RAP1GDS1: variants seen among roughly 807,000 people sequenced by gnomAD.
RAP1GDS1 encodes Rap1 GTPase-GDP dissociation stimulator 1.
Under a neutral mutation model 71.1 loss-of-function variants are expected in RAP1GDS1, and 35 were observed. That is an observed-to-expected ratio of 0.49 (90% CI 0.38 to 0.65). The LOEUF is 0.65. Among genes scored for constraint, RAP1GDS1 ranks in the 30% least tolerant of loss-of-function variants. The pLI is 0.00. For missense variants in RAP1GDS1, 663 were observed against 706.1 expected (o/e 0.94, Z 0.69); for synonymous variants, 229 against 243.1 (o/e 0.94, Z 0.54).
At chr4:98,350,780 G>C (rs1737066470) in intron 3 of RAP1GDS1, among the ~76,000 whole-genome samples, 1 of 152,180 alleles carries the variant, frequency 6.6e-6, no homozygotes, top group Non-Finnish European at 1.5e-5. Flanking sequence ...AGAGGTTGCA[G>C]TGAGCCGAGA....
intron 2 of RAP1GDS1, among the ~76,000 whole-genome samples, chr4:98,321,823 A>C (rs1360731644): frequency 7.6e-6 from 1 of 131,784 alleles, no homozygotes; most frequent in Non-Finnish European, 1.6e-5. Flanking sequence ...TCATGCCAAA[A>C]TGTAAAGACC....
At chr4:98,367,436 G>A (rs761349655) in intron 4 of RAP1GDS1, among the ~76,000 whole-genome samples, 14 of 152,172 alleles carry the variant, frequency 9.2e-5, no homozygotes, top group African/African-American at 1.2e-4. Context: ...TTGGACCCCC[G>A]CACAGAGTCC....
At chr4:98,362,592 AG>A (rs901548608) in intron 4 of RAP1GDS1, among the ~76,000 whole-genome samples, 1 of 151,562 alleles carries the variant, frequency 6.6e-6, no homozygotes, top group African/African-American at 2.4e-5. Flanking sequence ...GGAAAAAAAA[AG>A]CCTTCATAAT....
intron 5 of RAP1GDS1, among the ~76,000 whole-genome samples, chr4:98,385,621 C>T (rs1352366054): frequency 6.6e-6 from 1 of 151,780 alleles, no homozygotes; most frequent in Non-Finnish European, 1.5e-5. Flanking sequence ...CCAGTTAATA[C>T]TGTACTGCCT....
At chr4:98,271,604 T>C (rs1723468956) in intron 1 of RAP1GDS1, among the ~76,000 whole-genome samples, 1 of 152,134 alleles carries the variant, frequency 6.6e-6, no homozygotes, top group African/African-American at 2.4e-5. Flanking sequence ...TTAATTCTTC[T>C]GTTTTAGTAT....
chr4:98,318,862 G>T (rs1311317306), intron 2 of RAP1GDS1, among the ~76,000 whole-genome samples: 1 of 152,112 alleles, frequency 6.6e-6, no homozygotes, highest in Non-Finnish European at 1.5e-5. Context: ...CTTACAAATT[G>T]TTTATTTCCA....
intron 4 of RAP1GDS1, among the ~76,000 whole-genome samples, chr4:98,357,311 C>A (rs1738106029): frequency 6.6e-6 from 1 of 151,830 alleles, no homozygotes; most frequent in South Asian, 2.1e-4. Context: ...ATAGAATTAT[C>A]AGTCAGTAAG....
chr4:98,288,381 A>T (rs1047147131), intron 1 of RAP1GDS1, among the ~76,000 whole-genome samples: 1 of 152,158 alleles, frequency 6.6e-6, no homozygotes, highest in Admixed American at 6.6e-5. Context: ...TTATGGCTGC[A>T]TAGTATTCCA....
At chr4:98,316,683 T>G (rs1262490014) in intron 2 of RAP1GDS1, among the ~76,000 whole-genome samples, 1 of 152,098 alleles carries the variant, frequency 6.6e-6, no homozygotes, top group Non-Finnish European at 1.5e-5. Context: ...GAAGACAAAA[T>G]GTCTCAGATA....
chr4:98,391,951 G>C lies in RAP1GDS1; in HGVS notation c.509-1G>C. The C allele has an allele frequency of 6.3e-7, 1 of 1,575,150 alleles. No individual in the cohort carries two copies. Among genetic ancestry groups the C allele is most frequent in the Non-Finnish European group, 8.6e-7 (1 of 1,164,638 alleles). On this transcript the variant is annotated splice_acceptor_variant, in intron 5 of 14. Transcript: ENST00000408927. LOFTEE classifies it high-confidence loss of function. ...TTGTTGTTTTTTTTTTGTTTTTACA[G>C]ATTCGCTTCAAGCTCAGCTTATCAA...
At chr4:98,268,350 A>T (rs753036035) in intron 1 of RAP1GDS1, among the ~76,000 whole-genome samples, 50 of 152,188 alleles carry the variant, frequency 3.3e-4, no homozygotes, top group Non-Finnish European at 5.7e-4. Context: ...TGACAAGCCC[A>T]TAGCTAACAT....
Position 98,327,155 on chromosome 4 carries a change from T to A in RAP1GDS1, c.113-15984T>A, listed in dbSNP as rs531817160. ...ATATATACAAATTGTAACATTTTTT[T>A]AAAAATCTAAAGTACAGTAAGCATA... On this transcript the variant is annotated intron_variant, in intron 2 of 14. Transcript: ENST00000408927. Among the ~76,000 whole-genome samples, 322 of 152,294 alleles carry A rather than the reference T, an allele frequency of 2.1e-3. 1 individual carries two copies. The highest frequency in any genetic ancestry group is 3.5e-3 in the Non-Finnish European group (235 of 68,006).
intron 2 of RAP1GDS1, among the ~76,000 whole-genome samples, chr4:98,309,945 AAAG>A (rs1331494379): frequency 1.3e-5 from 2 of 151,998 alleles, no homozygotes; most frequent in Admixed American, 6.6e-5. Flanking sequence ...ACTTTTTAAA[AAAG>A]AAGTTCACTT....
rs573373741 is a variant in RAP1GDS1 at position 98,415,595 on chromosome 4, T to C, written c.764-1150T>C. Among the ~76,000 whole-genome samples the C allele has an allele frequency of 5.9e-5, 9 of 152,258 alleles. No homozygotes were observed. In the East Asian group the frequency reaches 1.2e-3, roughly 20 times the overall value. On this transcript the variant is annotated intron_variant, in intron 7 of 14. Coordinates refer to ENST00000408927, the MANE Select transcript of RAP1GDS1 (RefSeq NM_001100427.2). ...GACAGATATGGAGGCAAATATAAGC[T>C]CTTCAGTGAAATAAGTGTTATAATG...
intron 12 of RAP1GDS1, among the ~76,000 whole-genome samples, chr4:98,432,980 T>C (rs116539060): frequency 2.6e-5 from 4 of 152,206 alleles, no homozygotes. Flanking sequence ...CTATGAGATA[T>C]ATACTTACAT....
chr4:98,401,704 A>G (rs1745437911), intron 6 of RAP1GDS1, among the ~76,000 whole-genome samples: 1 of 152,172 alleles, frequency 6.6e-6, no homozygotes, highest in African/African-American at 2.4e-5. Flanking sequence ...ATAATGTCCA[A>G]ATTATACTTC....
intron 12 of RAP1GDS1, among the ~76,000 whole-genome samples, chr4:98,427,849 T>C (rs1749829550): frequency 6.6e-6 from 1 of 152,068 alleles, no homozygotes; most frequent in Admixed American, 6.5e-5. Context: ...TTCACAGAAC[T>C]AGAAAAAACA....
intron 4 of RAP1GDS1, among the ~76,000 whole-genome samples, chr4:98,378,789 A>T (rs938967113): frequency 2.6e-5 from 4 of 151,936 alleles, no homozygotes; most frequent in Admixed American, 2.0e-4. Context: ...GATGCCAATG[A>T]GAATAATCTT....
chr4:98,440,937 C>T (rs1454490904), intron 14 of RAP1GDS1, among the ~76,000 whole-genome samples: 2 of 152,214 alleles, frequency 1.3e-5, no homozygotes, highest in East Asian at 3.8e-4. Context: ...AGGTGATCCA[C>T]CCACCTTGGC....
Sources: allele counts gnomAD v4.1 joint callset (sites outside exome capture counted in the v4.1 genomes callset), GRCh38; gene constraint gnomAD v4.1.1; transcripts MANE v1.5; gene names NCBI Gene and HGNC (gene_info 2026-07-23, HGNC 2026-07-21).